The following USP42 variants were observed in gnomAD, a reference collection of about 807,000 sequenced individuals.
USP42 encodes ubiquitin specific peptidase 42.
USP42 carries 23 observed loss-of-function variants against 113.0 expected under a neutral mutation model. The ratio of observed to expected loss-of-function variants is 0.20; its 90% CI spans 0.15 to 0.29. The LOEUF (loss-of-function observed/expected upper bound fraction) is 0.29, where lower values mean the gene tolerates loss of function less well. USP42 is among the 10% of genes least tolerant of loss of function. The pLI, the probability that USP42 is intolerant of heterozygous loss-of-function variation, is 1.00. For synonymous variants in USP42, 933 were observed against 699.0 expected, an observed-to-expected ratio of 1.33 and a Z score of -5.28; for missense variants, 2,174 against 1,779.8, an observed-to-expected ratio of 1.22 and a Z score of -3.99.
chr7:6,089,649 C>T, the USP42 span, among the ~76,000 whole-genome samples: 2 of 149,638 alleles, frequency 1.3e-5, no homozygotes, highest in African/African-American at 5.1e-5. Context: ...TCTCCTTCCT[C>T]AGCCTCCTGA....
rs1415006527 is a variant in USP42, at chr7:6,161,200, A to G, written c.*682A>G. The G allele has an allele frequency of 6.6e-6, 1 of 152,614 alleles. No homozygotes were observed. The highest frequency in any genetic ancestry group is 2.4e-5 in the African/African-American group (1 of 41,442). The allele number at this position is 152,614 out of a possible 1,614,324, so 9.5% of individuals were successfully genotyped here. A position where few individuals can be genotyped will look rare whatever the true frequency, so the allele number is the denominator to read the frequency against. On this transcript the variant is annotated 3_prime_UTR_variant, in exon 18 of 18. Coordinates refer to ENST00000306177, the MANE Select transcript of USP42 (RefSeq NM_032172.3). The stretch of plus-strand genomic sequence containing the variant: ...TTTGTAAAGCCGACAGTATGTTTCT[A>G]TTACACAACACTTTTTGATACAGCG...
In USP42 at chr7:6,153,976, G is replaced by A. The variant is rs1287363598; in HGVS notation, c.2422G>A (p.Asp808Asn). ...PEEPPPSAGE[D>N]IVGDTAPPDL... ...GGAGCCTCCGCCCAGCGCCGGCGAG[G>A]ACATCGTGGGGGACACAGCACCCCC... The change falls in exon 15 of 18, where the codon GAC (aspartate) becomes AAC (asparagine). Residue 808 changes from aspartate (D) to asparagine (N), a missense_variant. Coordinates refer to ENST00000306177, the MANE Select transcript of USP42 (RefSeq NM_032172.3). 2 of 1,595,828 alleles carry A rather than the reference G, an allele frequency of 1.3e-6. No homozygotes were observed. Among genetic ancestry groups the A allele is most frequent in the Non-Finnish European group, 1.7e-6 (2 of 1,173,658 alleles).
intron 3 of USP42, among the ~76,000 whole-genome samples, chr7:6,122,457 TTTG>T (rs1245806075): frequency 6.6e-6 from 1 of 151,794 alleles, no homozygotes; most frequent in Non-Finnish European, 1.5e-5. Flanking sequence ...TTTGTTTTGT[TTTG>T]TTTTTTTGTT....
At chr7:6,133,891 CTTTT>C (rs386409441) in intron 3 of USP42, among the ~76,000 whole-genome samples, 3 of 129,020 alleles carry the variant, frequency 2.3e-5, no homozygotes, top group Non-Finnish European at 3.3e-5. Context: ...GTTTCTTCTT[CTTTT>C]TTTTTTTTTT....
chr7:6,135,242 A>T (rs892902236), intron 3 of USP42, among the ~76,000 whole-genome samples: 7 of 152,168 alleles, frequency 4.6e-5, no homozygotes, highest in Non-Finnish European at 1.0e-4. Flanking sequence ...GAATCCAATT[A>T]TGTGTCTGTC....
chr7:6,098,205 T>C, the USP42 span, among the ~76,000 whole-genome samples: 2 of 149,952 alleles, frequency 1.3e-5, no homozygotes, highest in African/African-American at 5.0e-5. Context: ...GCCCAGCCCA[T>C]GTAGCTTATT....
At position 6,135,830 on chromosome 7, in the gene USP42, C is replaced by G. The variant is rs779558203; in HGVS notation, c.443-11C>G. On this transcript the variant is annotated splice_polypyrimidine_tract_variant and intron_variant, in intron 3 of 17. Coordinates refer to ENST00000306177, the MANE Select transcript of USP42 (RefSeq NM_032172.3). Reference sequence around the variant, plus strand: ...TTTTGCTAATTTGGAGGATTATCATCTATCTTTCAGGTCATGCAGAAGGCT... The same window carrying G: ...TTTTGCTAATTTGGAGGATTATCATGTATCTTTCAGGTCATGCAGAAGGCT... 8 of 1,568,698 alleles carry G rather than the reference C, an allele frequency of 5.1e-6. No individual in the cohort carries two copies. Among genetic ancestry groups the G allele is most frequent in the Non-Finnish European group, 6.9e-6 (8 of 1,154,784 alleles).
rs972214726 is a variant in USP42 at position 6,115,234 on chromosome 7, T to C, written c.242-89T>C. 3.2e-5 allele frequency: 43 copies of C among 1,324,750 alleles called. No homozygotes were observed. In the East Asian group the frequency reaches 9.0e-4, roughly 28 times the overall value. The allele number at this position is 1,324,750 out of a possible 1,614,324, so 82.1% of individuals were successfully genotyped here. On this transcript the variant is annotated intron_variant, in intron 2 of 17. Coordinates refer to ENST00000306177, the MANE Select transcript of USP42 (RefSeq NM_032172.3). Reference sequence around the variant, plus strand: ...GCTGGTCATGAGATTTCGGATCTTGTAAAGATTGAGGTTTGACCAGGTGTT... The same window carrying C: ...GCTGGTCATGAGATTTCGGATCTTGCAAAGATTGAGGTTTGACCAGGTGTT...
intron 3 of USP42, among the ~76,000 whole-genome samples, chr7:6,123,215 T>G (rs1442671975): frequency 6.6e-6 from 1 of 152,110 alleles, no homozygotes; most frequent in African/African-American, 2.4e-5. Context: ...GAAATCTACT[T>G]CATCTGAGAT....
In USP42 at chr7:6,154,532, G is replaced by C. The variant is rs537643979; in HGVS notation, c.2978G>C (p.Arg993Pro). The C allele has an allele frequency of 1.6e-5, 25 of 1,542,770 alleles. No homozygotes were observed. Among genetic ancestry groups the C allele is most frequent in the Non-Finnish European group, 2.0e-5 (23 of 1,144,932 alleles). Reference protein sequence around the residue: ...TCPRERDRQDRHAPEHHPGHG... With the variant: ...TCPRERDRQDPHAPEHHPGHG... ...CCCCGGGAGCGCGACCGCCAGGACC[G>C]CCACGCCCCGGAGCACCACCCCGGC... is the stretch of plus-strand genomic sequence containing the variant. Residue 993 changes from arginine (R) to proline (P), a missense_variant, in exon 15 of 18, where the codon CGC becomes CCC. Coordinates refer to ENST00000306177, the MANE Select transcript of USP42 (RefSeq NM_032172.3).
At chr7:6,138,116 G>A (rs1021307745) in intron 4 of USP42, among the ~76,000 whole-genome samples, 35 of 152,172 alleles carry the variant, frequency 2.3e-4, no homozygotes, top group African/African-American at 8.0e-4. Flanking sequence ...AAGTTGTCAC[G>A]TTTGTAGGTC....
At chr7:6,113,071 A>T (rs892264894) in intron 2 of USP42, among the ~76,000 whole-genome samples, 2 of 151,138 alleles carry the variant, frequency 1.3e-5, no homozygotes, top group Non-Finnish European at 3.0e-5. Context: ...GCCCAGCTAC[A>T]TTTTTGTATT....
chr7:6,136,651 G>T (rs184679746), intron 4 of USP42, among the ~76,000 whole-genome samples: 236 of 152,246 alleles, frequency 1.6e-3, no homozygotes, highest in Admixed American at 2.9e-3. Flanking sequence ...TTTCAGTTTG[G>T]TGAATGAATA....
chr7:6,092,088 T>C, the USP42 span, among the ~76,000 whole-genome samples: 2 of 141,580 alleles, frequency 1.4e-5, no homozygotes, highest in Admixed American at 7.1e-5. Context: ...CTTCCTCTTC[T>C]TCTTCTTCCT....
chr7:6,149,500 G>A, intron 12 of USP42, 83 bp from the exon 13 acceptor site: 11 of 1,499,564 alleles, frequency 7.3e-6, no homozygotes, highest in Non-Finnish European at 9.8e-6. Context: ...AGCAAAATGG[G>A]AAGGACCCAT....
chr7:6,084,121 G>A, the USP42 span, among the ~76,000 whole-genome samples: 1 of 151,218 alleles, frequency 6.6e-6, no homozygotes, highest in Non-Finnish European at 1.5e-5. Context: ...CCGCCTCTCG[G>A]GTTCAAGTGA....
At position 6,154,401 on chromosome 7, in the gene USP42, C is replaced by T. The variant is rs764499268; in HGVS notation, c.2847C>T (p.Asp949=). 19 of 1,576,902 alleles carry T rather than the reference C, an allele frequency of 1.2e-5. No individual in the cohort carries two copies. The highest frequency in any genetic ancestry group is 5.5e-5 in the Admixed American group (3 of 54,640). ...KEKIGSLRKV[D]RGHYRSRRER... is the part of the protein sequence containing the mutation. ...AAATCGGCAGCCTCAGAAAGGTGGA[C>T]CGAGGCCACTACCGCAGCCGGAGAG... The change falls in exon 15 of 18, where the codon GAC becomes GAT. Residue 949 remains aspartate (D), a synonymous_variant. Coordinates refer to ENST00000306177, the MANE Select transcript of USP42 (RefSeq NM_032172.3).
At chr7:6,145,758 G>A in intron 10 of USP42, 102 bp downstream of exon 10, 1 of 1,288,106 alleles carries the variant, frequency 7.8e-7, no homozygotes, top group Non-Finnish European at 1.1e-6. Context: ...CAGTTAAAAT[G>A]TGAATACCCG....
At chr7:6,103,426 C>T (rs1253125561), upstream of USP42, among the ~76,000 whole-genome samples, 1 of 149,776 alleles carries the variant, frequency 6.7e-6, no homozygotes, top group Non-Finnish European at 1.5e-5. Context: ...ATCCCAGGTA[C>T]TTAGGAGGCT....
Sources: gnomAD v4.1 joint callset for allele counts (sites outside exome capture counted in the v4.1 genomes callset) on GRCh38, gnomAD v4.1.1 for gene constraint, MANE v1.5 for transcripts, NCBI Gene and HGNC (gene_info 2026-07-23, HGNC 2026-07-21) for gene names.